STAC: variants seen among roughly 807,000 people sequenced by gnomAD.
STAC encodes the protein SH3 and cysteine rich domain.
A neutral mutation model predicts 48.8 loss-of-function variants in STAC; 43 were observed. The ratio of observed to expected loss-of-function variants is 0.88; its 90% CI spans 0.69 to 1.14. The LOEUF (loss-of-function observed/expected upper bound fraction) is 1.14, where lower values mean the gene tolerates loss of function less well. STAC is among the 50% of genes most tolerant of loss of function. STAC has a pLI of 0.00. For missense variants in STAC, 497 were observed against 504.0 expected, an observed-to-expected ratio of 0.99 and a Z score of 0.13; for synonymous variants, 193 against 179.5, an observed-to-expected ratio of 1.07 and a Z score of -0.60.
At chr3:36,447,647 CACCA>C (rs1368242941) in intron 2 of STAC, among the ~76,000 whole-genome samples, 23 of 124,482 alleles carry the variant, frequency 1.8e-4, no homozygotes, top group Middle Eastern at 3.6e-3. Flanking sequence ...TATGTATACA[CACCA>C]CACACACACA....
rs1023504481 is a variant in STAC at position 36,408,398 on chromosome 3, C to T, written c.111+27644C>T. ...CAGGGGTCTCTGTATGTTTAGGAGACCCTATTGTTTGCCTACCCCAAAGCC... is the reference window on the plus strand; with the variant it reads ...CAGGGGTCTCTGTATGTTTAGGAGATCCTATTGTTTGCCTACCCCAAAGCC... On this transcript the variant is annotated intron_variant, in intron 1 of 10. Coordinates refer to ENST00000273183, the MANE Select transcript of STAC (RefSeq NM_003149.3). 2.6e-5 allele frequency among the ~76,000 whole-genome samples: 4 copies of T among 152,286 alleles called. No individual in the cohort carries two copies. The East Asian group carries it at 7.7e-4, about 29-fold the overall frequency.
intron 8 of STAC, among the ~76,000 whole-genome samples, chr3:36,512,513 T>G (rs1231241983): frequency 6.6e-6 from 1 of 152,162 alleles, no homozygotes; most frequent in Admixed American, 6.5e-5. Flanking sequence ...TATTAGAAGA[T>G]TATTCTGAAG....
chr3:36,419,471 T>C (rs1271615150), intron 1 of STAC, among the ~76,000 whole-genome samples: 1 of 152,160 alleles, frequency 6.6e-6, no homozygotes, highest in South Asian at 2.1e-4. Context: ...TTTGTTAGTG[T>C]GTGTGTGGGA....
chr3:36,385,112 T>C (rs1206572105), intron 1 of STAC, among the ~76,000 whole-genome samples: 1 of 152,180 alleles, frequency 6.6e-6, no homozygotes, highest in Non-Finnish European at 1.5e-5. Flanking sequence ...GTATTTTCTA[T>C]ACAGATGCCC....
intron 1 of STAC, among the ~76,000 whole-genome samples, chr3:36,389,864 T>C (rs1299763115): frequency 6.6e-6 from 1 of 152,166 alleles, no homozygotes; most frequent in Non-Finnish European, 1.5e-5. Flanking sequence ...TTAATTAGTG[T>C]ATGTAAAGTG....
chr3:36,530,589 T>TC (rs1354905073), intron 10 of STAC, among the ~76,000 whole-genome samples: 1 of 142,500 alleles, frequency 7.0e-6, no homozygotes, highest in Non-Finnish European at 1.5e-5. Flanking sequence ...TCTTTTTTTT[T>TC]TTTCTTTTTT....
intron 6 of STAC, among the ~76,000 whole-genome samples, chr3:36,497,416 T>TTA (rs1325580287): frequency 3.9e-5 from 6 of 152,112 alleles, no homozygotes; most frequent in Admixed American, 1.3e-4. Flanking sequence ...ATAAGGCAAT[T>TTA]CCTTAGAGTC....
At chr3:36,431,589 A>G (rs1288901506) in intron 1 of STAC, among the ~76,000 whole-genome samples, 3 of 152,040 alleles carry the variant, frequency 2.0e-5, no homozygotes, top group Non-Finnish European at 4.4e-5. Context: ...AACTCTCTGA[A>G]CTCACTTCTT....
chr3:36,453,283 G>A (rs777540238), intron 2 of STAC, among the ~76,000 whole-genome samples: 1 of 152,226 alleles, frequency 6.6e-6, no homozygotes, highest in African/African-American at 2.4e-5. Flanking sequence ...GCACTGTGGG[G>A]GCCCCATTCT....
At chr3:36,415,927 G>A (rs1029473899) in intron 1 of STAC, among the ~76,000 whole-genome samples, 2 of 152,054 alleles carry the variant, frequency 1.3e-5, no homozygotes, top group African/African-American at 4.8e-5. Context: ...GTTGTATATG[G>A]TATTTTATAA....
At chr3:36,492,795 C>T (rs973245727) in intron 5 of STAC, among the ~76,000 whole-genome samples, 9 of 152,264 alleles carry the variant, frequency 5.9e-5, no homozygotes, top group Admixed American at 2.0e-4. Flanking sequence ...AAAGAGCTAG[C>T]GTTTTATTGA....
chr3:36,499,608 A>G (rs1194667713), intron 6 of STAC, among the ~76,000 whole-genome samples: 1 of 152,102 alleles, frequency 6.6e-6, no homozygotes, highest in Non-Finnish European at 1.5e-5. Flanking sequence ...AAATGTTAGG[A>G]AGGAATCCCA....
chr3:36,427,162 G>C (rs955614007), intron 1 of STAC, among the ~76,000 whole-genome samples: 1 of 152,182 alleles, frequency 6.6e-6, no homozygotes, highest in Non-Finnish European at 1.5e-5. Context: ...AGCTCTAGGA[G>C]GTCTCAATCA....
intron 2 of STAC, among the ~76,000 whole-genome samples, chr3:36,478,436 T>C (rs995810749): frequency 1.3e-5 from 2 of 152,194 alleles, no homozygotes; most frequent in Non-Finnish European, 2.9e-5. Context: ...TCATATGCCT[T>C]CACAGATTTG....
At chr3:36,536,919 T>C (rs1699211787) in intron 10 of STAC, among the ~76,000 whole-genome samples, 1 of 149,786 alleles carries the variant, frequency 6.7e-6, no homozygotes, top group South Asian at 2.1e-4. Flanking sequence ...AAAGAAGATA[T>C]TTATATGGCC....
intron 1 of STAC, among the ~76,000 whole-genome samples, chr3:36,434,175 G>C (rs1700772332): frequency 6.6e-6 from 1 of 152,204 alleles, no homozygotes; most frequent in Non-Finnish European, 1.5e-5. Flanking sequence ...TAGATGAGGT[G>C]AATCTGCATG....
chr3:36,458,519 T>G (rs932293257), intron 2 of STAC, among the ~76,000 whole-genome samples: 1 of 152,166 alleles, frequency 6.6e-6, no homozygotes, highest in Non-Finnish European at 1.5e-5. Flanking sequence ...CAGCGTGGTG[T>G]GACAAGAAGA....
At chr3:36,527,135 T>A (rs1698956492) in intron 8 of STAC, among the ~76,000 whole-genome samples, 2 of 152,154 alleles carry the variant, frequency 1.3e-5, no homozygotes, top group South Asian at 4.1e-4. Context: ...CCATTTTCCA[T>A]TTTCAGTCTT....
At chr3:36,475,033 T>G (rs1037947304) in intron 2 of STAC, among the ~76,000 whole-genome samples, 1 of 152,142 alleles carries the variant, frequency 6.6e-6, no homozygotes, top group Admixed American at 6.5e-5. Context: ...GCATGTGTGT[T>G]TGTATATCCA....
Sources: gnomAD v4.1 joint callset for allele counts (sites outside exome capture counted in the v4.1 genomes callset) on GRCh38, gnomAD v4.1.1 for gene constraint, MANE v1.5 for transcripts, NCBI Gene and HGNC (gene_info 2026-07-23, HGNC 2026-07-21) for gene names.